Variants in PPP3CB observed in about 807,000 individuals in gnomAD.
The protein encoded by PPP3CB is protein phosphatase 3 catalytic subunit beta, also known as serine/threonine-protein phosphatase 2B catalytic subunit beta isoform.
Under a neutral mutation model 66.4 loss-of-function variants are expected in PPP3CB, and 8 were observed. That is an observed-to-expected ratio of 0.12 (90% CI 0.07 to 0.22). PPP3CB has a LOEUF of 0.22. Ranked by LOEUF, PPP3CB falls within the 10% of genes least tolerant of loss-of-function variation. The probability of loss-of-function intolerance (pLI) is 1.00; values close to 1 mark genes in which losing one functional copy is unlikely to be tolerated. For synonymous variants in PPP3CB, 208 were observed against 221.2 expected (o/e 0.94, Z 0.53); for missense variants, 319 against 642.5 (o/e 0.50, Z 5.44).
intron 9 of PPP3CB, among the ~76,000 whole-genome samples, chr10:73,463,170 T>C (rs1304921272): frequency 6.6e-6 from 1 of 152,112 alleles, no homozygotes; most frequent in African/African-American, 2.4e-5. Flanking sequence ...TTGTTAAGTC[T>C]CACTGATTCT....
intron 11 of PPP3CB, among the ~76,000 whole-genome samples, chr10:73,445,737 G>C (rs1178638407): frequency 7.1e-6 from 1 of 141,078 alleles, no homozygotes; most frequent in African/African-American, 2.6e-5. Flanking sequence ...CCAGCCTAAG[G>C]GCCTAAGTAC....
intron 4 of PPP3CB, among the ~76,000 whole-genome samples, chr10:73,474,518 C>T (rs1319526917): frequency 1.3e-5 from 2 of 152,010 alleles, no homozygotes; most frequent in Admixed American, 6.6e-5. Flanking sequence ...CTATGACCTC[C>T]GATTCCCAGG....
chr10:73,481,082 AAAGT>A (rs973432019), intron 1 of PPP3CB, among the ~76,000 whole-genome samples: 5 of 152,254 alleles, frequency 3.3e-5, no homozygotes, highest in African/African-American at 4.8e-5. Context: ...CAAAATAAAG[AAAGT>A]GAGAGAGAAA....
At chr10:73,482,236 G>C (rs1303578350) in intron 1 of PPP3CB, among the ~76,000 whole-genome samples, 1 of 151,004 alleles carries the variant, frequency 6.6e-6, no homozygotes, top group African/African-American at 2.4e-5. Flanking sequence ...CTTGGGAAAA[G>C]AAACACTATT....
Position 73,474,963 on chromosome 10 carries a change from T to C in PPP3CB, c.479A>G (p.His160Arg). The C allele has an allele frequency of 6.2e-7, 1 of 1,614,108 alleles. No homozygotes were observed. Among genetic ancestry groups the C allele is most frequent in the African/African-American group, 1.3e-5 (1 of 75,054 alleles). ...ATATTCAGTAAGGTGTCTGCATTCA[T>C]GGTTGCCTCTCAGAAGAAATAATGT... Reference protein sequence around the residue: ...PSTLFLLRGNHECRHLTEYFT... With the variant: ...PSTLFLLRGNRECRHLTEYFT... Residue 160 changes from histidine to arginine, a missense_variant, in exon 4 of 14, where the codon CAT becomes CGT. Transcript: ENST00000360663.
intron 3 of PPP3CB, among the ~76,000 whole-genome samples, chr10:73,478,172 GT>G (rs2056821270): frequency 6.6e-6 from 1 of 152,058 alleles, no homozygotes; most frequent in African/African-American, 2.4e-5. Context: ...TTTTCACATG[GT>G]TTAATGCCTT....
intron 2 of PPP3CB, among the ~76,000 whole-genome samples, chr10:73,478,966 TTC>T (rs1274917469): frequency 6.6e-6 from 1 of 152,212 alleles, no homozygotes; most frequent in East Asian, 1.9e-4. Context: ...ACTCAATACT[TTC>T]TGTTGCTCTC....
At position 73,490,722 on chromosome 10, in the gene PPP3CB, A is replaced by G. The variant is rs551444046; in HGVS notation, c.85+5083T>C. ...TCCTTTTAAGGTAACTTGTTACCAT[A>G]GTGTTCCCTCTCCCTCTCCCTCTCA... is the stretch of plus-strand genomic sequence containing the variant. On this transcript the variant is annotated intron_variant, in intron 1 of 13. Coordinates refer to ENST00000360663, the MANE Select transcript of PPP3CB (RefSeq NM_021132.4). Among the ~76,000 whole-genome samples the G allele has an allele frequency of 3.4e-4, 51 of 152,232 alleles. No homozygotes were observed. In the Middle Eastern group the frequency reaches 0.014, roughly 41 times the overall value.
At chr10:73,455,630 G>A (rs1471269749) in intron 9 of PPP3CB, among the ~76,000 whole-genome samples, 4 of 152,058 alleles carry the variant, frequency 2.6e-5, no homozygotes, top group South Asian at 4.2e-4. Flanking sequence ...GTGCAGTGGC[G>A]CGATCTCGGC....
intron 11 of PPP3CB, 79 bp downstream of exon 11, chr10:73,446,412 TA>T: frequency 7.0e-7 from 1 of 1,430,256 alleles, no homozygotes; most frequent in Admixed American, 1.7e-5. Flanking sequence ...ATTTTGCTTT[TA>T]GATGCGGGAC....
chr10:73,461,652 G>A (rs1039640788), intron 9 of PPP3CB, among the ~76,000 whole-genome samples: 1 of 152,178 alleles, frequency 6.6e-6, no homozygotes, highest in Non-Finnish European at 1.5e-5. Context: ...TTGAGTCTCA[G>A]ATGAGACTTT....
At chr10:73,487,905 C>G (rs1326697000) in intron 1 of PPP3CB, among the ~76,000 whole-genome samples, 1 of 151,730 alleles carries the variant, frequency 6.6e-6, no homozygotes, top group South Asian at 2.1e-4. Context: ...CTCAGCCTCT[C>G]GAGTAGCTGG....
chr10:73,467,499 T>C (rs2056636497), intron 9 of PPP3CB, 54 bp downstream of exon 9: 2 of 1,340,370 alleles, frequency 1.5e-6, no homozygotes, highest in Non-Finnish European at 9.9e-7. Context: ...GATAGTAAAC[T>C]GGAGTAAATG....
intron 9 of PPP3CB, 135 bp downstream of exon 9, chr10:73,467,418 C>A: frequency 1.6e-6 from 1 of 629,768 alleles, no homozygotes; most frequent in East Asian, 3.4e-5. Flanking sequence ...ATGTCCACAC[C>A]CACTGACACA....
At chr10:73,451,809 G>A (rs551391471) in intron 10 of PPP3CB, among the ~76,000 whole-genome samples, 10 of 148,512 alleles carry the variant, frequency 6.7e-5, no homozygotes, top group South Asian at 4.3e-4. Context: ...GCAGTGGTGC[G>A]ATCTCGACTC....
chr10:73,491,310 T>C (rs1280810799), intron 1 of PPP3CB, among the ~76,000 whole-genome samples: 1 of 151,964 alleles, frequency 6.6e-6, no homozygotes, highest in African/African-American at 2.4e-5. Flanking sequence ...ATTACAGGCG[T>C]GAGCCACTGT....
intron 12 of PPP3CB, chr10:73,444,417 G>C (rs1293604551): frequency 4.5e-6 from 3 of 669,324 alleles, no homozygotes; most frequent in Admixed American, 3.6e-5. Context: ...AAAAGAAAAG[G>C]GTGAATTAGA....
rs548848112 is a variant in PPP3CB, at chr10:73,440,894, T to A, written c.1367-993A>T. Among the ~76,000 whole-genome samples the A allele has an allele frequency of 2.6e-5, 4 of 152,322 alleles. No individual in the cohort carries two copies. In the East Asian group the frequency reaches 7.7e-4, roughly 29 times the overall value. Reference sequence around the variant, plus strand: ...CCATAATTAGTCAAACATTTTATAGTCAAAGATTCTTTTTTTCGCTCATTT... The same window carrying A: ...CCATAATTAGTCAAACATTTTATAGACAAAGATTCTTTTTTTCGCTCATTT... On this transcript the variant is annotated intron_variant, in intron 12 of 13. Coordinates refer to ENST00000360663, the MANE Select transcript of PPP3CB (RefSeq NM_021132.4).
chr10:73,469,548 G>A (rs896630867), intron 8 of PPP3CB, among the ~76,000 whole-genome samples: 1 of 152,068 alleles, frequency 6.6e-6, no homozygotes, highest in African/African-American at 2.4e-5. Flanking sequence ...TCTAGAGAGA[G>A]AAAGAATGGA....
Sources: allele counts gnomAD v4.1 joint callset (sites outside exome capture counted in the v4.1 genomes callset), GRCh38; gene constraint gnomAD v4.1.1; transcripts MANE v1.5; gene names NCBI Gene and HGNC (gene_info 2026-07-23, HGNC 2026-07-21).